The following CSNK1G3 variants were observed in gnomAD, a reference collection of about 807,000 sequenced individuals.
The protein encoded by CSNK1G3 is casein kinase 1 gamma 3.
A neutral mutation model predicts 64.3 loss-of-function variants in CSNK1G3; 23 were observed. The ratio of observed to expected loss-of-function variants is 0.36; its 90% CI spans 0.26 to 0.51. The LOEUF (loss-of-function observed/expected upper bound fraction) is 0.51. Among genes scored for constraint, CSNK1G3 ranks in the 20% least tolerant of loss-of-function variants. CSNK1G3 has a pLI of 0.96. For missense variants in CSNK1G3, 357 were observed against 510.5 expected (o/e 0.70, Z 2.90); for synonymous variants, 158 against 162.2 (o/e 0.97, Z 0.20).
chr5:123,543,246 G>T lies in CSNK1G3; in HGVS notation c.-247-2171G>T, dbSNP rs115819200. 4.0e-3 allele frequency among the ~76,000 whole-genome samples: 614 copies of T among 152,204 alleles called. 4 individuals carry two copies. Among genetic ancestry groups the T allele is most frequent in the African/African-American group, 0.014 (584 of 41,538 alleles). On this transcript the variant is annotated intron_variant, in intron 1 of 12. Transcript: ENST00000345990. ...TATCTAGGTTTAGTTTTAGACTTCA[G>T]TTGGGACAGTCTAGAGTAGGCCTTA...
intron 2 of CSNK1G3, chr5:123,546,101 C>T: frequency 2.7e-6 from 1 of 376,298 alleles, no homozygotes; most frequent in African/African-American, 2.0e-5. Flanking sequence ...TAAAATAGCC[C>T]AGTAGGCTGA....
intron 3 of CSNK1G3, 74 bp downstream of exon 3, chr5:123,553,221 T>C: frequency 1.2e-6 from 1 of 800,740 alleles, no homozygotes; most frequent in East Asian, 3.3e-5. Flanking sequence ...TTTTAATTAT[T>C]TTTTGTTTTC....
chr5:123,525,356 G>C (rs1778867080), intron 1 of CSNK1G3, among the ~76,000 whole-genome samples: 1 of 150,066 alleles, frequency 6.7e-6, no homozygotes, highest in African/African-American at 2.5e-5. Context: ...CTGTCGCCCA[G>C]GTTGGAGTGC....
intron 4 of CSNK1G3, among the ~76,000 whole-genome samples, chr5:123,562,040 AG>A (rs1248273002): frequency 6.6e-6 from 1 of 152,174 alleles, no homozygotes; most frequent in East Asian, 1.9e-4. Flanking sequence ...CACATCATTT[AG>A]TATAAAGTCC....
At chr5:123,548,783 A>G (rs1014768311) in intron 2 of CSNK1G3, among the ~76,000 whole-genome samples, 1 of 152,136 alleles carries the variant, frequency 6.6e-6, no homozygotes, top group East Asian at 1.9e-4. Context: ...TTGATGTGCA[A>G]ATACTCCTTA....
intron 10 of CSNK1G3, among the ~76,000 whole-genome samples, chr5:123,593,245 G>A (rs1051141120): frequency 1.2e-4 from 18 of 149,990 alleles, no homozygotes; most frequent in Non-Finnish European, 2.5e-4. Context: ...ATAATATTTA[G>A]GCAATTCTTT....
intron 12 of CSNK1G3, among the ~76,000 whole-genome samples, chr5:123,613,847 G>T (rs1748972910): frequency 6.6e-6 from 1 of 152,104 alleles, no homozygotes; most frequent in Non-Finnish European, 1.5e-5. Context: ...ATTCAAAATT[G>T]CCAGTCTTGG....
At chr5:123,553,781 T>C (rs1309825724) in intron 3 of CSNK1G3, among the ~76,000 whole-genome samples, 1 of 152,270 alleles carries the variant, frequency 6.6e-6, no homozygotes, top group Non-Finnish European at 1.5e-5. Context: ...ATACTTTTCC[T>C]GGTACAACTT....
chr5:123,614,546 C>A, exon 13 of CSNK1G3: 7 of 557,390 alleles, frequency 1.3e-5, no homozygotes, highest in Non-Finnish European at 2.1e-5. Flanking sequence ...TTGTGGTTGT[C>A]TTACATTCTT....
intron 1 of CSNK1G3, among the ~76,000 whole-genome samples, chr5:123,512,802 G>A (rs1776451908): frequency 6.6e-6 from 1 of 151,636 alleles, no homozygotes; most frequent in African/African-American, 2.4e-5. Flanking sequence ...TGAGGGCGCG[G>A]AGGGCTAGGG....
chr5:123,573,643 C>T lies in CSNK1G3; in HGVS notation c.438+102C>T, dbSNP rs917117173. Reference sequence around the variant, plus strand: ...AGTTCTGTGATATTGTCTTACAGAGCGTTTGACGTAATACAAATGTTTCTA... The same window carrying T: ...AGTTCTGTGATATTGTCTTACAGAGTGTTTGACGTAATACAAATGTTTCTA... On this transcript the variant is annotated intron_variant, in intron 5 of 12. Coordinates refer to ENST00000345990, the Ensembl canonical transcript of CSNK1G3. 15 of 1,042,494 alleles carry T rather than the reference C, an allele frequency of 1.4e-5. No homozygotes were observed. The South Asian group carries it at 1.6e-4, about 11-fold the overall frequency. 64.6% of individuals were successfully genotyped at this position (1,042,494 alleles called of 1,614,324 possible). A position where few individuals can be genotyped will look rare whatever the true frequency, so the allele number is the denominator to read the frequency against.
intron 10 of CSNK1G3, among the ~76,000 whole-genome samples, chr5:123,602,747 G>A (rs1794709931): frequency 1.3e-5 from 2 of 152,126 alleles, no homozygotes; most frequent in Admixed American, 1.3e-4. Flanking sequence ...AGCAAACTGA[G>A]GATATGGGTG....
At chr5:123,526,876 GTGTGTA>G (rs774948683) in intron 1 of CSNK1G3, among the ~76,000 whole-genome samples, 5,004 of 119,950 alleles carry the variant, frequency 0.042, 152 homozygotes, top group African/African-American at 0.094. Context: ...GTGTGTGTGT[GTGTGTA>G]TGAACATAAT....
chr5:123,615,147 C>A (rs1367524770), exon 13 of CSNK1G3: 1 of 152,482 alleles, frequency 6.6e-6, no homozygotes, highest in Non-Finnish European at 1.5e-5. Flanking sequence ...AATATTTGTA[C>A]AATGTAACTT....
intron 3 of CSNK1G3, among the ~76,000 whole-genome samples, chr5:123,554,537 T>C (rs1162614268): frequency 1.3e-5 from 2 of 152,206 alleles, no homozygotes; most frequent in African/African-American, 4.8e-5. Context: ...TTGGTGAATA[T>C]TAATCACAGC....
intron 6 of CSNK1G3, among the ~76,000 whole-genome samples, chr5:123,578,944 A>T (rs531267291): frequency 1.3e-5 from 2 of 151,980 alleles, no homozygotes; most frequent in Non-Finnish European, 2.9e-5. Context: ...CTGCTTTTAG[A>T]TATTATTCTG....
At chr5:123,591,155 C>T (rs1008838469) in intron 9 of CSNK1G3, among the ~76,000 whole-genome samples, 164 bp from the exon 10 acceptor site, 1 of 151,844 alleles carries the variant, frequency 6.6e-6, no homozygotes, top group Non-Finnish European at 1.5e-5. Flanking sequence ...TTTGCTTTAC[C>T]TTCTTAGCTT....
intron 1 of CSNK1G3, among the ~76,000 whole-genome samples, chr5:123,525,721 C>A (rs1471943969): frequency 6.6e-6 from 1 of 151,812 alleles, no homozygotes; most frequent in African/African-American, 2.4e-5. Context: ...TGGCTGGGCG[C>A]GGTGGCTTAT....
intron 4 of CSNK1G3, among the ~76,000 whole-genome samples, chr5:123,562,187 GC>G (rs1333209249): frequency 6.6e-6 from 1 of 151,844 alleles, no homozygotes; most frequent in Non-Finnish European, 1.5e-5. Flanking sequence ...TTTTCTTTAA[GC>G]CCTAGCTAAA....
Sources: gnomAD v4.1 joint callset for allele counts (sites outside exome capture counted in the v4.1 genomes callset) on GRCh38, gnomAD v4.1.1 for gene constraint, MANE v1.5 for transcripts, NCBI Gene and HGNC (gene_info 2026-07-23, HGNC 2026-07-21) for gene names.